CDH8: variants seen among roughly 807,000 people sequenced by gnomAD.
CDH8 encodes cadherin-8.
A neutral mutation model predicts 68.1 loss-of-function variants in CDH8; 17 were observed. The ratio of observed to expected loss-of-function variants is 0.25; its 90% CI spans 0.17 to 0.37. The LOEUF is 0.37. Among genes scored for constraint, CDH8 ranks in the 10% least tolerant of loss-of-function variants. The probability of loss-of-function intolerance (pLI) is 1.00; values close to 1 mark genes in which losing one functional copy is unlikely to be tolerated. For missense variants in CDH8, 763 were observed against 999.3 expected, an observed-to-expected ratio of 0.76 and a Z score of 3.19; for synonymous variants, 372 against 365.1, an observed-to-expected ratio of 1.02 and a Z score of -0.21.
intron 4 of CDH8, among the ~76,000 whole-genome samples, chr16:61,846,182 T>A (rs948646199): frequency 6.6e-6 from 1 of 152,182 alleles, no homozygotes; most frequent in African/African-American, 2.4e-5. Context: ...AATTCAAGAA[T>A]GTTCCATTAA....
intron 10 of CDH8, among the ~76,000 whole-genome samples, chr16:61,711,189 ATT>A (rs777348180): frequency 1.3e-5 from 2 of 151,918 alleles, no homozygotes; most frequent in Non-Finnish European, 1.5e-5. Flanking sequence ...TTTCTATCTC[ATT>A]TTGTCTTTTA....
intron 10 of CDH8, among the ~76,000 whole-genome samples, chr16:61,666,137 G>T (rs1027879517): frequency 2.0e-5 from 3 of 150,926 alleles, no homozygotes; most frequent in African/African-American, 7.3e-5. Context: ...TAGTCACTTA[G>T]CAATAATTTT....
intron 2 of CDH8, among the ~76,000 whole-genome samples, chr16:61,957,142 C>T (rs1965001137): frequency 6.6e-6 from 1 of 152,072 alleles, no homozygotes; most frequent in Non-Finnish European, 1.5e-5. Context: ...ATCAGAGACT[C>T]AAGAGATCAA....
chr16:61,681,389 C>G (rs1467522963), intron 10 of CDH8, among the ~76,000 whole-genome samples: 3 of 151,876 alleles, frequency 2.0e-5, no homozygotes, highest in African/African-American at 7.2e-5. Context: ...GAATGAGCCT[C>G]AAACTCACTA....
intron 2 of CDH8, among the ~76,000 whole-genome samples, chr16:61,959,837 A>G (rs57899322): frequency 0.14 from 20,489 of 147,026 alleles, 1,749 homozygotes; most frequent in South Asian, 0.21. Context: ...GTGTGTGTGT[A>G]TATATATATA....
intron 1 of CDH8, among the ~76,000 whole-genome samples, chr16:62,024,499 C>G (rs1447057186): frequency 6.6e-6 from 1 of 152,006 alleles, no homozygotes; most frequent in Non-Finnish European, 1.5e-5. Flanking sequence ...TGGAAACCAC[C>G]AAGCAGCAAT....
intron 2 of CDH8, among the ~76,000 whole-genome samples, chr16:61,919,257 C>G (rs1964315700): frequency 6.8e-6 from 1 of 148,024 alleles, no homozygotes; most frequent in Non-Finnish European, 1.5e-5. Flanking sequence ...AAGCAGAGCG[C>G]CTCTCCTCCT....
Position 61,655,621 on chromosome 16 carries a change from T to G in CDH8, c.1755A>C (p.Pro585=). ...TTGTCAAGGTGCTAGTGCTGCTCAG[T>G]GGAGGATTTCCACTATCACTGATTA... The part of the protein sequence containing the change: ...PIIISDSGNP[P]LSSTSTLTIR... Residue 585 remains proline, a synonymous_variant, in exon 11 of 12, where the codon CCA becomes CCC. Transcript: ENST00000577390. 6.2e-7 allele frequency: 1 copy of G among 1,614,186 alleles called. No individual in the cohort carries two copies. Among genetic ancestry groups the G allele is most frequent in the Non-Finnish European group, 8.5e-7 (1 of 1,180,022 alleles).
At chr16:61,974,740 G>A (rs1965405839) in intron 2 of CDH8, among the ~76,000 whole-genome samples, 1 of 152,110 alleles carries the variant, frequency 6.6e-6, no homozygotes, top group Admixed American at 6.5e-5. Context: ...AGTAATTCTA[G>A]GAGCTATGAC....
chr16:61,727,392 A>G (rs1222903980), intron 8 of CDH8, among the ~76,000 whole-genome samples, 177 bp from the exon 9 acceptor site: 1 of 151,130 alleles, frequency 6.6e-6, no homozygotes, highest in African/African-American at 2.4e-5. Flanking sequence ...ACTGCTTTAA[A>G]AAAAAGCATA....
At chr16:61,906,247 A>G (rs553303528) in intron 2 of CDH8, among the ~76,000 whole-genome samples, 11 of 152,218 alleles carry the variant, frequency 7.2e-5, no homozygotes, top group Non-Finnish European at 1.3e-4. Context: ...CAAGCAAACA[A>G]TATGGAAGCA....
At chr16:61,887,386 G>A (rs749651828) in intron 3 of CDH8, among the ~76,000 whole-genome samples, 8 of 152,128 alleles carry the variant, frequency 5.3e-5, no homozygotes, top group South Asian at 2.1e-4. Flanking sequence ...CCCACAGACC[G>A]GGTGGCTTAA....
rs116235930 is a variant in CDH8, at chr16:61,879,509, T to C, written c.547+21670A>G. On this transcript the variant is annotated intron_variant, in intron 3 of 11. Coordinates refer to ENST00000577390, the MANE Select transcript of CDH8 (RefSeq NM_001796.5). ...AAAATAGTCATGTAAGACCCTGAAA[T>C]TGGCTTCAACACTGGGTTCCATGAA... Among the ~76,000 whole-genome samples the C allele has an allele frequency of 2.1e-3, 324 of 152,294 alleles. 1 individual carries two copies. The highest frequency in any genetic ancestry group is 7.6e-3 in the African/African-American group (314 of 41,568).
chr16:61,871,400 G>A (rs1963359699), intron 3 of CDH8, among the ~76,000 whole-genome samples: 2 of 150,900 alleles, frequency 1.3e-5, no homozygotes, highest in South Asian at 2.1e-4. Context: ...CTAGACTCAA[G>A]CAATCCTCTC....
At chr16:61,736,601 C>T (rs1397341309) in intron 8 of CDH8, among the ~76,000 whole-genome samples, 1 of 152,066 alleles carries the variant, frequency 6.6e-6, no homozygotes, top group Admixed American at 6.6e-5. Context: ...CCCCAAACAC[C>T]ACCAAAATAT....
At chr16:61,741,696 T>C (rs1263053705) in intron 8 of CDH8, among the ~76,000 whole-genome samples, 1 of 152,196 alleles carries the variant, frequency 6.6e-6, no homozygotes, top group Admixed American at 6.5e-5. Flanking sequence ...TGAAGTCTTC[T>C]ATTCCATTGG....
chr16:61,667,360 C>T (rs574953466), intron 10 of CDH8: 1 of 151,952 alleles, frequency 6.6e-6, no homozygotes, highest in African/African-American at 2.4e-5. Context: ...AGACTAACAC[C>T]AAACTGAATG....
At chr16:61,973,642 C>A (rs1317812043) in intron 2 of CDH8, among the ~76,000 whole-genome samples, 1 of 152,162 alleles carries the variant, frequency 6.6e-6, no homozygotes, top group Non-Finnish European at 1.5e-5. Context: ...GCAAAGGAAT[C>A]ATCCACAAGA....
intron 8 of CDH8, among the ~76,000 whole-genome samples, chr16:61,748,670 A>T (rs991263063): frequency 2.6e-5 from 4 of 152,026 alleles, no homozygotes; most frequent in African/African-American, 7.2e-5. Flanking sequence ...TACAAACAAT[A>T]CATACAGAGA....
Sources: gnomAD v4.1 joint callset for allele counts (sites outside exome capture counted in the v4.1 genomes callset) on GRCh38, gnomAD v4.1.1 for gene constraint, MANE v1.5 for transcripts, NCBI Gene and HGNC (gene_info 2026-07-23, HGNC 2026-07-21) for gene names.